The following CAP2 variants were observed in gnomAD, a reference collection of about 807,000 sequenced individuals.
CAP2 encodes adenylyl cyclase-associated protein 2.
Under a neutral mutation model 57.7 loss-of-function variants are expected in CAP2, and 24 were observed. The ratio of observed to expected loss-of-function variants is 0.42; its 90% CI spans 0.30 to 0.58. The LOEUF is 0.58. Ranked by LOEUF, CAP2 falls within the 20% of genes least tolerant of loss-of-function variation. CAP2 has a pLI of 0.22. For synonymous variants in CAP2, 194 were observed against 207.2 expected, an observed-to-expected ratio of 0.94 and a Z score of 0.55; for missense variants, 501 against 590.3, an observed-to-expected ratio of 0.85 and a Z score of 1.57.
rs531189524 is a variant in CAP2 at position 17,467,584 on chromosome 6, C to T, written c.300+4511C>T. ...TGTCACCCAGGCTGGAGTGCAGTGGCGCTACCTTGGCTCACGGCAACTTCA... is the reference window on the plus strand; with the variant it reads ...TGTCACCCAGGCTGGAGTGCAGTGGTGCTACCTTGGCTCACGGCAACTTCA... On this transcript the variant is annotated intron_variant, in intron 4 of 12. Transcript: ENST00000229922. Among the ~76,000 whole-genome samples, 10 of 152,208 alleles carry T rather than the reference C, an allele frequency of 6.6e-5. No homozygotes were observed. The South Asian group carries it at 1.2e-3, about 19-fold the overall frequency.
intron 3 of CAP2, among the ~76,000 whole-genome samples, chr6:17,443,606 C>T (rs1200782503): frequency 6.6e-6 from 1 of 151,502 alleles, no homozygotes; most frequent in African/African-American, 2.4e-5. Context: ...TGCGCACGTG[C>T]ACTCCCTCCA....
At chr6:17,433,571 G>A (rs1479190097) in intron 3 of CAP2, among the ~76,000 whole-genome samples, 1 of 152,204 alleles carries the variant, frequency 6.6e-6, no homozygotes, top group Non-Finnish European at 1.5e-5. Flanking sequence ...GTGACCAGGA[G>A]AATGCTGCCT....
chr6:17,482,732 T>C (rs954743528), intron 4 of CAP2, among the ~76,000 whole-genome samples: 20 of 152,280 alleles, frequency 1.3e-4, no homozygotes, highest in Admixed American at 5.2e-4. Context: ...CCCCTTTCCA[T>C]AGGGACACCT....
At chr6:17,418,413 C>T (rs1476714925) in intron 1 of CAP2, among the ~76,000 whole-genome samples, 3 of 152,140 alleles carry the variant, frequency 2.0e-5, no homozygotes, top group African/African-American at 7.2e-5. Context: ...ACATCTGAGT[C>T]GCTTTTCGAC....
chr6:17,498,285 C>T (rs1278187520), intron 4 of CAP2, among the ~76,000 whole-genome samples: 1 of 152,120 alleles, frequency 6.6e-6, no homozygotes, highest in East Asian at 1.9e-4. Flanking sequence ...TCAGTGGCCC[C>T]AAAATCCTAG....
At chr6:17,445,621 G>A (rs1347775427) in intron 3 of CAP2, among the ~76,000 whole-genome samples, 1 of 152,162 alleles carries the variant, frequency 6.6e-6, no homozygotes, top group Non-Finnish European at 1.5e-5. Context: ...AAATCTCCCT[G>A]GTTTCAAGAG....
intron 4 of CAP2, among the ~76,000 whole-genome samples, chr6:17,463,623 A>T (rs941938639): frequency 3.3e-5 from 5 of 152,158 alleles, no homozygotes; most frequent in African/African-American, 1.2e-4. Context: ...TGGGTCGTCT[A>T]CGGAGCTTCA....
intron 7 of CAP2, chr6:17,531,181 T>G (rs761375641): frequency 3.3e-5 from 25 of 764,534 alleles, no homozygotes; most frequent in Non-Finnish European, 5.5e-5. Flanking sequence ...CACTTATGGA[T>G]TAGTTCATTT....
At chr6:17,437,885 A>T (rs545486417) in intron 3 of CAP2, among the ~76,000 whole-genome samples, 2 of 152,184 alleles carry the variant, frequency 1.3e-5, no homozygotes, top group Non-Finnish European at 2.9e-5. Flanking sequence ...CGTCTCAAAG[A>T]AAAAAGGGTC....
intron 7 of CAP2, among the ~76,000 whole-genome samples, chr6:17,519,969 A>G (rs1028064120): frequency 3.3e-5 from 5 of 152,084 alleles, no homozygotes; most frequent in African/African-American, 1.2e-4. Context: ...CCTTTCCTAT[A>G]TTTCTGAATT....
At chr6:17,541,456 T>C (rs1204353555) in intron 9 of CAP2, among the ~76,000 whole-genome samples, 2 of 152,028 alleles carry the variant, frequency 1.3e-5, no homozygotes, top group African/African-American at 4.8e-5. Context: ...GGCACGTGCC[T>C]GTAATCCCAG....
At chr6:17,443,574 G>C (rs12199724) in intron 3 of CAP2, among the ~76,000 whole-genome samples, 4 of 150,030 alleles carry the variant, frequency 2.7e-5, no homozygotes, top group Admixed American at 6.6e-5. Flanking sequence ...AAAACACACA[G>C]ACACACACAC....
intron 7 of CAP2, among the ~76,000 whole-genome samples, chr6:17,519,350 G>C (rs1762341675): frequency 6.6e-6 from 1 of 152,094 alleles, no homozygotes; most frequent in South Asian, 2.1e-4. Flanking sequence ...TGTGCCGGGT[G>C]GGGTGGGGTG....
chr6:17,430,116 T>C (rs1447438035), intron 3 of CAP2, among the ~76,000 whole-genome samples: 1 of 152,218 alleles, frequency 6.6e-6, no homozygotes. Context: ...AAGCTATGAT[T>C]TAACGTCTGT....
intron 8 of CAP2, among the ~76,000 whole-genome samples, chr6:17,540,754 A>G (rs1379232727): frequency 6.6e-6 from 1 of 152,134 alleles, no homozygotes; most frequent in Non-Finnish European, 1.5e-5. Flanking sequence ...ACTCCATTTA[A>G]AAAACAACAA....
chr6:17,524,092 A>C (rs959022028), intron 7 of CAP2, among the ~76,000 whole-genome samples: 16 of 151,714 alleles, frequency 1.1e-4, no homozygotes, highest in Non-Finnish European at 2.2e-4. Flanking sequence ...AAAAAAAAAA[A>C]AAAAGGAGTA....
intron 7 of CAP2, among the ~76,000 whole-genome samples, chr6:17,525,040 G>T (rs1762473830): frequency 6.6e-6 from 1 of 151,740 alleles, no homozygotes; most frequent in South Asian, 2.1e-4. Context: ...GGGACTACAG[G>T]TGCGCGCCAC....
At chr6:17,465,224 G>C (rs974358933) in intron 4 of CAP2, among the ~76,000 whole-genome samples, 1 of 151,978 alleles carries the variant, frequency 6.6e-6, no homozygotes, top group East Asian at 1.9e-4. Context: ...TCTTGCTCTT[G>C]CTCTGTCACC....
chr6:17,515,626 T>C (rs754807760), intron 7 of CAP2, among the ~76,000 whole-genome samples: 3 of 152,126 alleles, frequency 2.0e-5, no homozygotes, highest in Non-Finnish European at 4.4e-5. Context: ...GTTGAAATTA[T>C]TCCAAAAAAA....
Sources: allele counts gnomAD v4.1 joint callset (sites outside exome capture counted in the v4.1 genomes callset), GRCh38; gene constraint gnomAD v4.1.1; transcripts MANE v1.5; gene names NCBI Gene and HGNC (gene_info 2026-07-23, HGNC 2026-07-21).